PBX1: variants seen among roughly 807,000 people sequenced by gnomAD.
PBX1 encodes pre-B-cell leukemia transcription factor 1.
Under a neutral mutation model 53.4 loss-of-function variants are expected in PBX1, and 6 were observed. That is an observed-to-expected ratio of 0.11 (90% confidence interval 0.06 to 0.22). The LOEUF (loss-of-function observed/expected upper bound fraction) is 0.22, where lower values mean the gene tolerates loss of function less well. Ranked by LOEUF, PBX1 falls within the 10% of genes least tolerant of loss-of-function variation. PBX1 has a pLI of 1.00. For missense variants in PBX1, 251 were observed against 551.4 expected (o/e 0.46, Z 5.46); for synonymous variants, 204 against 212.3 (o/e 0.96, Z 0.34).
chr1:164,631,766 G>T (rs1322890987), intron 2 of PBX1, among the ~76,000 whole-genome samples: 1 of 152,212 alleles, frequency 6.6e-6, no homozygotes, highest in Non-Finnish European at 1.5e-5. Context: ...AGATAAATCA[G>T]CTATTGTAGC....
At chr1:164,653,590 T>C (rs558066635) in intron 2 of PBX1, among the ~76,000 whole-genome samples, 1 of 152,158 alleles carries the variant, frequency 6.6e-6, no homozygotes, top group African/African-American at 2.4e-5. Flanking sequence ...CTGGCCAACG[T>C]GGTGAAACCC....
chr1:164,700,457 A>G (rs1034388939), intron 2 of PBX1: 20 of 985,176 alleles, frequency 2.0e-5, no homozygotes, highest in Non-Finnish European at 2.3e-5. Context: ...GAGGAGATTC[A>G]TGTTACTTGA....
At chr1:164,656,965 A>G (rs1419719902) in intron 2 of PBX1, 1 of 152,214 alleles carries the variant, frequency 6.6e-6, no homozygotes, top group African/African-American at 2.4e-5. Flanking sequence ...GTGTAAAATA[A>G]AACAAAAACC....
intron 2 of PBX1, among the ~76,000 whole-genome samples, chr1:164,765,468 G>C (rs1232605204): frequency 6.6e-6 from 1 of 152,150 alleles, no homozygotes; most frequent in African/African-American, 2.4e-5. Flanking sequence ...GCTCCCTTCT[G>C]GTGCCAGATT....
At position 164,870,336 on chromosome 1, in the gene PBX1, T is replaced by TCTTC; in HGVS notation, n.258-28849_258-28848insCCTT. Reference sequence around the variant, plus strand: ...TTCTTTCTTTCTTTCTTTCTTTCTTTCTTTCTTTCTTTCTTTCTTTCTTTC... The same window carrying TCTTC: ...TTCTTTCTTTCTTTCTTTCTTTCTTTCTTCCTTTCTTTCTTTCTTTCTTTCTTTC... On this transcript the variant is annotated intron_variant and non_coding_transcript_variant, in intron 2 of 2. Coordinates refer to the PBX1 transcript ENST00000558796. Among the ~76,000 whole-genome samples the TCTTC allele has an allele frequency of 1.6e-5, 2 of 121,504 alleles. 1 individual carries two copies. The highest frequency in any genetic ancestry group is 4.5e-4 in the East Asian group (2 of 4,424). The allele number at this position is 121,504 out of a possible 152,430, so 79.7% of individuals were successfully genotyped here. A position where few individuals can be genotyped will look rare whatever the true frequency, so the allele number is the denominator to read the frequency against.
At chr1:164,808,837 G>T (rs763985454) in intron 5 of PBX1, among the ~76,000 whole-genome samples, 7 of 152,160 alleles carry the variant, frequency 4.6e-5, no homozygotes, top group Non-Finnish European at 1.0e-4. Flanking sequence ...CATTCTTTCA[G>T]ATAAAGCAGA....
At chr1:164,724,784 A>G (rs1158561632) in intron 2 of PBX1, among the ~76,000 whole-genome samples, 2 of 142,046 alleles carry the variant, frequency 1.4e-5, no homozygotes, top group Non-Finnish European at 3.0e-5. Context: ...ATGGTCTGCA[A>G]TTTCTAAACC....
At chr1:164,824,581 T>A (rs1195749169) in intron 8 of PBX1, among the ~76,000 whole-genome samples, 1 of 152,204 alleles carries the variant, frequency 6.6e-6, no homozygotes, top group Non-Finnish European at 1.5e-5. Flanking sequence ...TGAGGATAGG[T>A]TAGGACACAT....
chr1:164,741,739 AGTGTGT>A (rs57771496), intron 2 of PBX1, among the ~76,000 whole-genome samples: 30 of 140,908 alleles, frequency 2.1e-4, no homozygotes, highest in East Asian at 1.3e-3. Context: ...TGTATGAGTG[AGTGTGT>A]GTGTGTGTGT....
At chr1:164,828,527 A>G (rs1326338978) in intron 8 of PBX1, 1 of 152,146 alleles carries the variant, frequency 6.6e-6, no homozygotes, top group African/African-American at 2.4e-5. Flanking sequence ...CTTTCATTGC[A>G]ATTGGTGTTT....
At chr1:164,686,243 C>T (rs1246563313) in intron 2 of PBX1, among the ~76,000 whole-genome samples, 1 of 152,166 alleles carries the variant, frequency 6.6e-6, no homozygotes, top group Non-Finnish European at 1.5e-5. Flanking sequence ...TGAAAGTGTT[C>T]GGTCACCTGG....
At chr1:164,801,450 GAA>G (rs1190359009) in intron 4 of PBX1, among the ~76,000 whole-genome samples, 16 of 109,220 alleles carry the variant, frequency 1.5e-4, no homozygotes, top group African/African-American at 3.5e-4. Context: ...GGCAGATATT[GAA>G]AAAAAAAAAA....
intron 2 of PBX1, among the ~76,000 whole-genome samples, chr1:164,699,156 G>T (rs1336286803): frequency 2.0e-5 from 3 of 152,114 alleles, no homozygotes; most frequent in Non-Finnish European, 4.4e-5. Context: ...TAAATGACGT[G>T]GGTCACAAAG....
At chr1:164,697,813 G>A (rs950244862) in intron 2 of PBX1, among the ~76,000 whole-genome samples, 3 of 152,080 alleles carry the variant, frequency 2.0e-5, no homozygotes, top group African/African-American at 7.2e-5. Flanking sequence ...CACCTCCCCC[G>A]ACCAAAGAAA....
intron 2 of PBX1, among the ~76,000 whole-genome samples, chr1:164,633,018 T>A (rs1481584149): frequency 6.6e-6 from 1 of 152,206 alleles, no homozygotes; most frequent in African/African-American, 2.4e-5. Context: ...GGTCATACAA[T>A]TAGTCAATGG....
chr1:164,571,442 A>C (rs1159221924), intron 2 of PBX1, among the ~76,000 whole-genome samples: 1 of 152,076 alleles, frequency 6.6e-6, no homozygotes, highest in Non-Finnish European at 1.5e-5. Flanking sequence ...GAATCATAAA[A>C]TATTTGATGT....
chr1:164,850,663 C>T lies in PBX1; in HGVS notation c.*3987C>T, dbSNP rs533211472. On this transcript the variant is annotated 3_prime_UTR_variant, in exon 9 of 9. Transcript: ENST00000420696. ...TTCAGAATTCAGTTAATGCCAAAAG[C>T]GAAGATCAAGCCCATGTTGATGTCT... is the stretch of plus-strand genomic sequence containing the variant. 34 of 192,002 alleles carry T rather than the reference C, an allele frequency of 1.8e-4. 1 individual carries two copies. Among genetic ancestry groups the T allele is most frequent in the Middle Eastern group, 3.8e-3 (2 of 532 alleles). The allele number at this position is 192,002 out of a possible 1,614,324, so 11.9% of individuals were successfully genotyped here.
chr1:164,876,730 T>C (rs1363237820), intron 2 of PBX1, among the ~76,000 whole-genome samples: 4 of 152,166 alleles, frequency 2.6e-5, no homozygotes, highest in Non-Finnish European at 4.4e-5. Flanking sequence ...AGCTGTTTTC[T>C]TCTTTGCATT....
chr1:164,674,093 A>G (rs1661286735), intron 2 of PBX1, among the ~76,000 whole-genome samples: 1 of 152,180 alleles, frequency 6.6e-6, no homozygotes, highest in Non-Finnish European at 1.5e-5. Flanking sequence ...GCCGTTCACC[A>G]GGTGTCAGTG....
Sources: allele counts gnomAD v4.1 joint callset (sites outside exome capture counted in the v4.1 genomes callset), GRCh38; gene constraint gnomAD v4.1.1; transcripts MANE v1.5; gene names NCBI Gene and HGNC (gene_info 2026-07-23, HGNC 2026-07-21).